ACBD6: variants seen among roughly 807,000 people sequenced by gnomAD.
ACBD6 encodes the protein acyl-CoA binding domain containing 6.
A neutral mutation model predicts 37.2 loss-of-function variants in ACBD6; 28 were observed. That is an observed-to-expected ratio of 0.75 (90% CI 0.56 to 1.03). ACBD6 has a LOEUF of 1.03. Among genes scored for constraint, ACBD6 ranks in the 50% least tolerant of loss-of-function variants. The pLI is 0.00. For synonymous variants in ACBD6, 113 were observed against 126.8 expected (o/e 0.89, Z 0.73); for missense variants, 340 against 337.4 (o/e 1.01, Z -0.06).
intron 3 of ACBD6, among the ~76,000 whole-genome samples, chr1:180,464,968 T>C (rs1650290736): frequency 6.6e-6 from 1 of 152,198 alleles, no homozygotes; most frequent in South Asian, 2.1e-4. Context: ...CTGGGATAAC[T>C]GGCTAGCCAT....
chr1:180,456,341 A>G (rs1039093490), intron 3 of ACBD6, among the ~76,000 whole-genome samples: 7 of 152,190 alleles, frequency 4.6e-5, no homozygotes. Context: ...AAGGAACGGC[A>G]CAAGTGTCCC....
intron 4 of ACBD6, among the ~76,000 whole-genome samples, chr1:180,423,618 C>A (rs1365471753): frequency 1.3e-5 from 2 of 152,046 alleles, no homozygotes; most frequent in East Asian, 3.8e-4. Context: ...AGAAAAAAAT[C>A]AATGACCCAG....
chr1:180,460,314 C>G (rs1189962276), intron 3 of ACBD6, among the ~76,000 whole-genome samples: 1 of 152,106 alleles, frequency 6.6e-6, no homozygotes, highest in African/African-American at 2.4e-5. Flanking sequence ...AGGCTGCCAT[C>G]TTTGCTGTTT....
At chr1:180,283,627 A>G (rs1385913317), downstream of ACBD6, among the ~76,000 whole-genome samples, 4 of 152,244 alleles carry the variant, frequency 2.6e-5, no homozygotes, top group East Asian at 7.7e-4. Flanking sequence ...ATTCCAGTAC[A>G]TGCATCCCAT....
chr1:180,393,131 C>A (rs1654137706), intron 6 of ACBD6, among the ~76,000 whole-genome samples: 1 of 152,144 alleles, frequency 6.6e-6, no homozygotes, highest in Non-Finnish European at 1.5e-5. Flanking sequence ...ATCCTAATCC[C>A]AAATGTGGCA....
At chr1:180,383,128 C>T (rs1485741404) in intron 6 of ACBD6, among the ~76,000 whole-genome samples, 2 of 152,142 alleles carry the variant, frequency 1.3e-5, no homozygotes, top group Non-Finnish European at 2.9e-5. Flanking sequence ...CAAGAACTGG[C>T]ACAAGCCAAG....
chr1:180,493,270 A>AAAAC (rs1651590687), intron 2 of ACBD6, among the ~76,000 whole-genome samples: 2 of 127,168 alleles, frequency 1.6e-5, no homozygotes, highest in Non-Finnish European at 3.3e-5. Flanking sequence ...AAAAAAAAAA[A>AAAAC]AAAAAAAACA....
chr1:180,412,837 G>C (rs1223138724), intron 5 of ACBD6, among the ~76,000 whole-genome samples: 1 of 152,180 alleles, frequency 6.6e-6, no homozygotes, highest in East Asian at 1.9e-4. Flanking sequence ...ATGCACTCCA[G>C]CCTGGGCAAC....
intron 7 of ACBD6, among the ~76,000 whole-genome samples, chr1:180,304,964 C>T (rs940262377): frequency 2.0e-5 from 3 of 152,130 alleles, no homozygotes; most frequent in Admixed American, 2.0e-4. Context: ...CTATAACCAT[C>T]TGATCTTTGA....
intron 6 of ACBD6, among the ~76,000 whole-genome samples, chr1:180,390,527 C>G (rs1158226493): frequency 4.6e-5 from 7 of 152,076 alleles, no homozygotes; most frequent in African/African-American, 1.7e-4. Context: ...TAGGTTTTCC[C>G]AATTCTGTGA....
intron 3 of ACBD6, among the ~76,000 whole-genome samples, chr1:180,477,427 T>C (rs1048277017): frequency 2.0e-5 from 3 of 152,198 alleles, no homozygotes; most frequent in Non-Finnish European, 4.4e-5. Flanking sequence ...GTCAGTAGGA[T>C]AGACCATTAA....
In ACBD6 at chr1:180,291,010, C is replaced by T. The variant is rs1240508000; in HGVS notation, c.695-2493G>A. Among the ~76,000 whole-genome samples, 4 of 152,160 alleles carry T rather than the reference C, an allele frequency of 2.6e-5. No individual in the cohort carries two copies. The South Asian group carries it at 8.3e-4, about 32-fold the overall frequency. ...TTTTCCAGAAATAGAAATCATATAG[C>T]ATAGTCTTTTGTATCTGGTCTCTTT... On this transcript the variant is annotated intron_variant, in intron 7 of 7. Transcript: ENST00000367595.
Position 180,469,997 on chromosome 1 carries a change from TAATA to T in ACBD6, c.384+22268_384+22271del, listed in dbSNP as rs552551981. Among the ~76,000 whole-genome samples the T allele has an allele frequency of 2.1e-3, 322 of 152,262 alleles. 2 individuals carry two copies. The highest frequency in any genetic ancestry group is 3.8e-3 in the Non-Finnish European group (255 of 67,988). On this transcript the variant is annotated intron_variant, in intron 3 of 7. Coordinates refer to ENST00000367595, the MANE Select transcript of ACBD6 (RefSeq NM_032360.4). ...CTCCAAAAGCAAATTATGTCAAATA[TAATA>T]AATAAGATTTTAACAATAAAAGACT...
In ACBD6 at chr1:180,481,167, G is replaced by C. The variant is rs186537649; in HGVS notation, c.384+11102C>G. On this transcript the variant is annotated intron_variant, in intron 3 of 7. Coordinates refer to ENST00000367595, the MANE Select transcript of ACBD6 (RefSeq NM_032360.4). ...GCACTTCACTGCAAACCACAACCTT[G>C]TGATTCTCTCTATATAAATCAAAAC... Among the ~76,000 whole-genome samples, 92 of 152,024 alleles carry C rather than the reference G, an allele frequency of 6.1e-4. 1 individual carries two copies. The East Asian group carries it at 0.015, about 26-fold the overall frequency.
chr1:180,429,394 G>A (rs988011608), intron 4 of ACBD6, among the ~76,000 whole-genome samples: 6 of 152,136 alleles, frequency 3.9e-5, no homozygotes, highest in Admixed American at 6.5e-5. Context: ...TTCACTTAGC[G>A]TAATATCCTC....
chr1:180,396,659 T>C (rs945500484), intron 6 of ACBD6, among the ~76,000 whole-genome samples: 1 of 152,184 alleles, frequency 6.6e-6, no homozygotes, highest in African/African-American at 2.4e-5. Context: ...CCAGAAAAGA[T>C]ATGCAAATAG....
Position 180,298,950 on chromosome 1 carries a change from A to C in ACBD6, c.695-10433T>G, listed in dbSNP as rs1650022997. On this transcript the variant is annotated intron_variant, in intron 7 of 7. Coordinates refer to ENST00000367595, the MANE Select transcript of ACBD6 (RefSeq NM_032360.4). ...GGAGGCCACTTGCAGTATCTGTTGG[A>C]GACTCACTGTTGAGAGGCATCCATT... is the stretch of plus-strand genomic sequence containing the variant. Among the ~76,000 whole-genome samples the C allele has an allele frequency of 2.0e-5, 3 of 152,258 alleles. No homozygotes were observed. The South Asian group carries it at 6.2e-4, about 31-fold the overall frequency.
At chr1:180,271,903 G>C (rs1029310450) in exon 14 of ACBD6, 1 of 1,613,534 alleles carries the variant, frequency 6.2e-7, no homozygotes, top group Non-Finnish European at 8.5e-7. Context: ...ACCGCTGGGG[G>C]CAGTTCTATA....
At chr1:180,478,170 T>C (rs1015827994) in intron 3 of ACBD6, among the ~76,000 whole-genome samples, 2 of 152,124 alleles carry the variant, frequency 1.3e-5, no homozygotes, top group African/African-American at 2.4e-5. Flanking sequence ...GATGTAAAGA[T>C]AATAAGATTA....
Sources: allele counts gnomAD v4.1 joint callset (sites outside exome capture counted in the v4.1 genomes callset), GRCh38; gene constraint gnomAD v4.1.1; transcripts MANE v1.5; gene names NCBI Gene and HGNC (gene_info 2026-07-23, HGNC 2026-07-21).